GALNT13: variants seen among roughly 807,000 people sequenced by gnomAD.
The protein encoded by GALNT13 is polypeptide N-acetylgalactosaminyltransferase 13.
A neutral mutation model predicts 64.2 loss-of-function variants in GALNT13; 28 were observed. The ratio of observed to expected loss-of-function variants is 0.44; its 90% CI spans 0.32 to 0.60. The LOEUF is 0.60. GALNT13 is among the 20% of genes least tolerant of loss of function. The probability of loss-of-function intolerance (pLI) is 0.05; values close to 1 mark genes in which losing one functional copy is unlikely to be tolerated. For missense variants in GALNT13, 577 were observed against 669.8 expected (o/e 0.86, Z 1.53); for synonymous variants, 214 against 224.6 (o/e 0.95, Z 0.42).
chr2:153,940,552 C>T (rs921453333), intron 2 of GALNT13, among the ~76,000 whole-genome samples: 6 of 151,926 alleles, frequency 3.9e-5, no homozygotes, highest in Admixed American at 2.0e-4. Flanking sequence ...CCACCGTGCC[C>T]GGCCAATTTC....
At chr2:153,345,666 T>TCTTTCTTTCTTTCTTTCTTTCTTC in the GALNT13 span, among the ~76,000 whole-genome samples, 1 of 143,032 alleles carries the variant, frequency 7.0e-6, no homozygotes, top group African/African-American at 2.7e-5. Context: ...TTTCTTTCTT[T>TCTTTCTTTCTTTCTTTCTTTCTTC]CTTTCTTTCT....
chr2:153,416,640 G>A, the GALNT13 span, among the ~76,000 whole-genome samples: 1 of 152,172 alleles, frequency 6.6e-6, no homozygotes, highest in Non-Finnish European at 1.5e-5. Context: ...AAATACAGAA[G>A]TTAGTTTTTT....
chr2:154,429,377 G>T (rs549550323), intron 11 of GALNT13, among the ~76,000 whole-genome samples: 1 of 152,142 alleles, frequency 6.6e-6, no homozygotes, highest in African/African-American at 2.4e-5. Flanking sequence ...GCCTTATTCC[G>T]TATATAGAGA....
intron 3 of GALNT13, among the ~76,000 whole-genome samples, chr2:154,059,751 A>G (rs2105364225): frequency 6.6e-6 from 1 of 152,266 alleles, no homozygotes; most frequent in South Asian, 2.1e-4. Context: ...TATATTTTTC[A>G]TAGTGTTTTC....
the GALNT13 span, chr2:153,421,872 TG>T: frequency 5.4e-6 from 1 of 185,032 alleles, no homozygotes; most frequent in Non-Finnish European, 1.1e-5. Context: ...TCGTGCTGGA[TG>T]CTTTGTTCCA....
intron 4 of GALNT13, among the ~76,000 whole-genome samples, chr2:154,231,344 T>A (rs990995119): frequency 1.3e-5 from 2 of 152,080 alleles, no homozygotes; most frequent in Non-Finnish European, 2.9e-5. Context: ...AAATAACCTA[T>A]CTGTGGTTAT....
chr2:154,214,958 C>G (rs1407464471), intron 4 of GALNT13, among the ~76,000 whole-genome samples: 1 of 152,184 alleles, frequency 6.6e-6, no homozygotes, highest in African/African-American at 2.4e-5. Context: ...ACAGCACTCA[C>G]TCAAACTTTG....
At chr2:153,924,808 T>A (rs1690004143) in intron 2 of GALNT13, among the ~76,000 whole-genome samples, 1 of 152,208 alleles carries the variant, frequency 6.6e-6, no homozygotes, top group South Asian at 2.1e-4. Flanking sequence ...TCTCTAATGA[T>A]CCGTGACGTT....
chr2:153,344,689 A>G, the GALNT13 span, among the ~76,000 whole-genome samples: 1 of 152,224 alleles, frequency 6.6e-6, no homozygotes, highest in Non-Finnish European at 1.5e-5. Flanking sequence ...TCATGTGACT[A>G]TAGATAATAA....
intron 2 of GALNT13, among the ~76,000 whole-genome samples, chr2:153,906,985 T>C (rs1227940382): frequency 1.3e-5 from 2 of 152,146 alleles, no homozygotes; most frequent in Non-Finnish European, 2.9e-5. Flanking sequence ...TTTGCATTTC[T>C]CTGATGGCCA....
At chr2:153,910,614 C>G (rs948716832) in intron 2 of GALNT13, among the ~76,000 whole-genome samples, 3 of 152,112 alleles carry the variant, frequency 2.0e-5, no homozygotes, top group Non-Finnish European at 4.4e-5. Flanking sequence ...ATCTGTGTCC[C>G]AGAGATCCTA....
the GALNT13 span, among the ~76,000 whole-genome samples, chr2:153,202,815 A>G: frequency 6.6e-6 from 1 of 152,190 alleles, no homozygotes; most frequent in African/African-American, 2.4e-5. Flanking sequence ...TTATTTTTGA[A>G]TTTTCTACCA....
the GALNT13 span, among the ~76,000 whole-genome samples, chr2:153,856,458 G>A: frequency 1.3e-5 from 2 of 152,106 alleles, no homozygotes; most frequent in Non-Finnish European, 2.9e-5. Flanking sequence ...ACATTAAAAC[G>A]TGGATCTAAG....
the GALNT13 span, among the ~76,000 whole-genome samples, chr2:153,422,788 T>A: frequency 6.6e-6 from 1 of 152,008 alleles, no homozygotes; most frequent in African/African-American, 2.4e-5. Flanking sequence ...AGTAATCCTA[T>A]TAAAATAAAT....
intron 3 of GALNT13, among the ~76,000 whole-genome samples, chr2:154,137,985 C>T (rs1350218863): frequency 6.6e-6 from 1 of 152,048 alleles, no homozygotes; most frequent in Non-Finnish European, 1.5e-5. Context: ...CACCCCTTCC[C>T]ACTGTATTAG....
At chr2:153,373,871 TC>T in the GALNT13 span, among the ~76,000 whole-genome samples, 1 of 152,228 alleles carries the variant, frequency 6.6e-6, no homozygotes, top group East Asian at 1.9e-4. Context: ...TGTCTATTTG[TC>T]CTTCTGTGAT....
chr2:154,297,424 A>T (rs567855279), intron 8 of GALNT13, among the ~76,000 whole-genome samples: 15 of 152,260 alleles, frequency 9.9e-5, no homozygotes, highest in Non-Finnish European at 2.1e-4. Flanking sequence ...TTGAAGATAA[A>T]TGAGGTCAGA....
intron 9 of GALNT13, among the ~76,000 whole-genome samples, chr2:154,312,497 C>G (rs1694102257): frequency 6.6e-6 from 1 of 152,094 alleles, no homozygotes; most frequent in Non-Finnish European, 1.5e-5. Flanking sequence ...TTCATGTATT[C>G]TGGTGATAAA....
At chr2:154,336,291 A>C (rs1338691413) in intron 9 of GALNT13, among the ~76,000 whole-genome samples, 1 of 152,094 alleles carries the variant, frequency 6.6e-6, no homozygotes, top group African/African-American at 2.4e-5. Context: ...TGGTCTTTTG[A>C]AAGTGGTCCT....
Sources: gnomAD v4.1 joint callset for allele counts (sites outside exome capture counted in the v4.1 genomes callset) on GRCh38, gnomAD v4.1.1 for gene constraint, MANE v1.5 for transcripts, NCBI Gene and HGNC (gene_info 2026-07-23, HGNC 2026-07-21) for gene names.